The following OSBPL9 variants were observed in gnomAD, a reference collection of about 807,000 sequenced individuals.
The protein encoded by OSBPL9 is oxysterol binding protein like 9.
A neutral mutation model predicts 106.6 loss-of-function variants in OSBPL9; 40 were observed. The observed-to-expected ratio is 0.38, with a 90% CI of 0.29 to 0.49. The LOEUF (loss-of-function observed/expected upper bound fraction) is 0.49. OSBPL9 is among the 20% of genes least tolerant of loss of function. The pLI is 0.97. For synonymous variants in OSBPL9, 269 were observed against 295.4 expected (o/e 0.91, Z 0.92); for missense variants, 609 against 887.2 (o/e 0.69, Z 3.98).
chr1:51,575,656 A>G (rs144822262), upstream of OSBPL9, among the ~76,000 whole-genome samples: 146 of 152,188 alleles, frequency 9.6e-4, 5 homozygotes, highest in East Asian at 0.026. Context: ...GACCCAGGGG[A>G]CTTGAGCTTG....
the OSBPL9 span, among the ~76,000 whole-genome samples, chr1:51,546,463 C>T: frequency 5.3e-5 from 8 of 151,920 alleles, no homozygotes; most frequent in East Asian, 7.7e-4. Context: ...TTTGGGATGC[C>T]GAGGCGGGTG....
At chr1:51,775,764 C>G (rs747709208) in intron 14 of OSBPL9, among the ~76,000 whole-genome samples, 1 of 152,026 alleles carries the variant, frequency 6.6e-6, no homozygotes, top group Non-Finnish European at 1.5e-5. Flanking sequence ...GTGTGCGCCA[C>G]CACACTCAGG....
At chr1:51,695,758 A>G (rs72898044) in intron 3 of OSBPL9, among the ~76,000 whole-genome samples, 18,597 of 152,180 alleles carry the variant, frequency 0.12, 1,253 homozygotes, top group Middle Eastern at 0.22. Context: ...AAATAAGGAT[A>G]ATAATAATAC....
chr1:51,762,807 T>C (rs1671803498), intron 11 of OSBPL9, among the ~76,000 whole-genome samples: 1 of 152,246 alleles, frequency 6.6e-6, no homozygotes, highest in African/African-American at 2.4e-5. Context: ...TACAGCATTC[T>C]TTTTACAGCT....
chr1:51,519,072 C>A, the OSBPL9 span: 46 of 577,336 alleles, frequency 8.0e-5, 1 homozygote, highest in South Asian at 1.6e-3. Flanking sequence ...TCACACACAC[C>A]GGCCGCCCGG....
chr1:51,628,862 T>A (rs1377824404), intron 1 of OSBPL9, among the ~76,000 whole-genome samples: 1 of 151,740 alleles, frequency 6.6e-6, no homozygotes, highest in Non-Finnish European at 1.5e-5. Context: ...TTTTGTATTT[T>A]TAGTACAGAC....
chr1:51,637,306 C>T (rs1645508710), intron 1 of OSBPL9, among the ~76,000 whole-genome samples: 1 of 152,102 alleles, frequency 6.6e-6, no homozygotes, highest in South Asian at 2.1e-4. Flanking sequence ...GCCTGACTAA[C>T]ATGGTGAATC....
At chr1:51,701,498 T>G (rs1213443498) in intron 3 of OSBPL9, among the ~76,000 whole-genome samples, 3 of 152,182 alleles carry the variant, frequency 2.0e-5, no homozygotes, top group Middle Eastern at 3.2e-3. Flanking sequence ...CTGGTTCTCA[T>G]TATCTATAAC....
intron 2 of OSBPL9, among the ~76,000 whole-genome samples, chr1:51,664,643 GATC>G (rs1479828837): frequency 6.6e-6 from 1 of 152,144 alleles, no homozygotes; most frequent in Non-Finnish European, 1.5e-5. Context: ...AGTGAGCTGA[GATC>G]ATGCCACTGC....
chr1:51,611,168 C>T (rs1372260544), intron 2 of OSBPL9, among the ~76,000 whole-genome samples: 1 of 151,950 alleles, frequency 6.6e-6, no homozygotes, highest in African/African-American at 2.4e-5. Context: ...CCTTTCTCAA[C>T]TCTCTTTTGC....
chr1:51,706,444 C>T (rs141973650), intron 3 of OSBPL9, among the ~76,000 whole-genome samples: 1 of 152,042 alleles, frequency 6.6e-6, no homozygotes, highest in Non-Finnish European at 1.5e-5. Context: ...CATTAATGAT[C>T]TGTGCCATCA....
the OSBPL9 span, among the ~76,000 whole-genome samples, chr1:51,564,301 T>A: frequency 6.6e-6 from 1 of 151,986 alleles, no homozygotes; most frequent in African/African-American, 2.4e-5. Flanking sequence ...TCTTTAAGCT[T>A]AAGTAAGATG....
At chr1:51,631,391 A>T (rs1008173419) in intron 1 of OSBPL9, among the ~76,000 whole-genome samples, 1 of 152,088 alleles carries the variant, frequency 6.6e-6, no homozygotes, top group African/African-American at 2.4e-5. Flanking sequence ...AAACTAAAAA[A>T]ATTAGCCAAG....
intron 1 of OSBPL9, among the ~76,000 whole-genome samples, chr1:51,644,357 T>G (rs1359811907): frequency 6.6e-6 from 1 of 152,026 alleles, no homozygotes; most frequent in East Asian, 1.9e-4. Flanking sequence ...GACGGAGTCT[T>G]GCGCTGTTGC....
intron 1 of OSBPL9, among the ~76,000 whole-genome samples, chr1:51,597,530 A>G (rs190981863): frequency 1.3e-5 from 2 of 151,840 alleles, no homozygotes; most frequent in East Asian, 1.9e-4. Context: ...TATACACACA[A>G]TATAATCCCA....
At position 51,772,727 on chromosome 1, in the gene OSBPL9, A is replaced by G. The variant is rs762794814; in HGVS notation, c.1170+4A>G. 20 of 1,606,824 alleles carry G rather than the reference A, an allele frequency of 1.2e-5. No individual in the cohort carries two copies. The African/African-American group carries it at 2.3e-4, about 18-fold the overall frequency. On this transcript the variant is annotated splice_donor_region_variant and intron_variant, in intron 14 of 23. Coordinates refer to ENST00000428468, the MANE Select transcript of OSBPL9 (RefSeq NM_024586.6). Reference sequence around the variant, plus strand: ...ACTTGGAATGGATCTTACTAAGGTAAGACCAAATTTGCTGTAAGTCTGTGT... The same window carrying G: ...ACTTGGAATGGATCTTACTAAGGTAGGACCAAATTTGCTGTAAGTCTGTGT...
At chr1:51,619,471 A>T (rs1644292201) in intron 1 of OSBPL9, among the ~76,000 whole-genome samples, 1 of 152,176 alleles carries the variant, frequency 6.6e-6, no homozygotes, top group Non-Finnish European at 1.5e-5. Context: ...TTCCCCCTCA[A>T]TGCTTATCCT....
At chr1:51,762,159 GTTAAGTT>G (rs371454419) in intron 11 of OSBPL9, among the ~76,000 whole-genome samples, 188 bp downstream of exon 11, 39 of 152,254 alleles carry the variant, frequency 2.6e-4, no homozygotes, top group African/African-American at 9.1e-4. Flanking sequence ...AGAAGCTTTA[GTTAAGTT>G]TTATTTATTT....
At chr1:51,535,743 G>T in the OSBPL9 span, among the ~76,000 whole-genome samples, 1 of 151,764 alleles carries the variant, frequency 6.6e-6, no homozygotes, top group East Asian at 1.9e-4. Context: ...TTTTAGTAGA[G>T]ACAGAGTTTC....
Sources: gnomAD v4.1 joint callset for allele counts (sites outside exome capture counted in the v4.1 genomes callset) on GRCh38, gnomAD v4.1.1 for gene constraint, MANE v1.5 for transcripts, NCBI Gene and HGNC (gene_info 2026-07-23, HGNC 2026-07-21) for gene names.